Variants in FAM111A observed in about 807,000 individuals in gnomAD.
FAM111A encodes the protein serine protease FAM111A.
Under a neutral mutation model 3.3 loss-of-function variants are expected in FAM111A, and 8 were observed. The ratio of observed to expected loss-of-function variants is 2.39; its 90% CI spans 1.40 to 4.32. The LOEUF (loss-of-function observed/expected upper bound fraction) is 4.32, where lower values mean the gene tolerates loss of function less well. FAM111A is among the 30% of genes most tolerant of loss of function. The pLI is 0.00. For missense variants in FAM111A, 683 were observed against 727.6 expected (o/e 0.94, Z 0.71); for synonymous variants, 227 against 243.1 (o/e 0.93, Z 0.62).
chr11:59,145,905 T>C (rs1860802522), intron 4 of FAM111A, 49 bp downstream of exon 4: 1 of 152,086 alleles, frequency 6.6e-6, no homozygotes, highest in South Asian at 2.1e-4. Flanking sequence ...TTATTGATTA[T>C]TTACTGGGGG....
At chr11:59,149,097 C>A (rs192882280) in intron 5 of FAM111A, 144 bp downstream of exon 5, 32 of 634,146 alleles carry the variant, frequency 5.0e-5, no homozygotes, top group Admixed American at 4.3e-4. Context: ...TATAATGTAT[C>A]ATATCCTCCT....
chr11:59,146,727 G>A (rs1201575350), intron 4 of FAM111A, among the ~76,000 whole-genome samples: 1 of 152,152 alleles, frequency 6.6e-6, no homozygotes, highest in Non-Finnish European at 1.5e-5. Context: ...ACTTCCATTT[G>A]ACAAGAAATA....
intron 5 of FAM111A, among the ~76,000 whole-genome samples, chr11:59,151,474 T>C (rs975798759): frequency 6.6e-6 from 1 of 152,238 alleles, no homozygotes; most frequent in African/African-American, 2.4e-5. Flanking sequence ...TAAGAATCTC[T>C]GTTTTTGAGG....
At position 59,143,249 on chromosome 11, in the gene FAM111A, C is replaced by G. The variant is rs1860389356; in HGVS notation, c.-361C>G. The G allele has an allele frequency of 6.6e-6, 1 of 152,256 alleles. No individual in the cohort carries two copies. Among genetic ancestry groups the G allele is most frequent in the South Asian group, 2.1e-4 (1 of 4,834 alleles). 9.4% of individuals were successfully genotyped at this position (152,256 alleles called of 1,614,324 possible). ...TCCAAGGGACTGGAAGGGAAAGTCC[C>G]TAAAAATCACGAGTTCAGGCGTCTG... On this transcript the variant is annotated 5_prime_UTR_variant, in exon 2 of 6. Transcript: ENST00000675163.
chr11:59,153,554 A>G lies in FAM111A; in HGVS notation c.*50A>G, dbSNP rs780561752. ...GAATGGCTTATGGAGTTGTTATTTCATAGGCATTGAAAATGGTTTTCTAAA... is the reference window on the plus strand; with the variant it reads ...GAATGGCTTATGGAGTTGTTATTTCGTAGGCATTGAAAATGGTTTTCTAAA... On this transcript the variant is annotated 3_prime_UTR_variant, in exon 6 of 6. Transcript: ENST00000675163. 7.9e-6 allele frequency: 11 copies of G among 1,400,838 alleles called. No homozygotes were observed. Among genetic ancestry groups the G allele is most frequent in the Non-Finnish European group, 1.1e-5 (11 of 1,029,594 alleles). The allele number at this position is 1,400,838 out of a possible 1,614,324, so 86.8% of individuals were successfully genotyped here.
Position 59,151,929 on chromosome 11 carries a change from G to A in FAM111A, c.261G>A (p.Arg87=), listed in dbSNP as rs1436023524. ...TIYVTLKVNH[R]RNQDMKLKLT... is the part of the protein sequence containing the mutation. Reference sequence around the variant, plus strand: ...ATGTTACCTTGAAGGTAAACCACAGGAGAAACCAAGATATGAAACTTAAGC... The same window carrying A: ...ATGTTACCTTGAAGGTAAACCACAGAAGAAACCAAGATATGAAACTTAAGC... The change falls in exon 6 of 6, where the codon AGG becomes AGA. Residue 87 remains arginine (R), a synonymous_variant. Coordinates refer to ENST00000675163, the MANE Select transcript of FAM111A (RefSeq NM_001312909.2). The A allele has an allele frequency of 1.9e-6, 3 of 1,614,042 alleles. No homozygotes were observed. The highest frequency in any genetic ancestry group is 1.7e-6 in the Non-Finnish European group (2 of 1,180,008).
At position 59,152,817 on chromosome 11, in the gene FAM111A, T is replaced by C; in HGVS notation, c.1149T>C (p.Cys383=). 6.2e-7 allele frequency: 1 copy of C among 1,614,174 alleles called. No homozygotes were observed. The highest frequency in any genetic ancestry group is 8.5e-7 in the Non-Finnish European group (1 of 1,180,018). ...TTAAAGGATTGTTCATTTTAACTTG[T>C]CGGCATGTAATAGATAGCATTGTGG... The part of the protein sequence containing the change: ...FVFKGLFILT[C]RHVIDSIVGD... The change falls in exon 6 of 6, where the codon TGT becomes TGC. Residue 383 remains cysteine, a synonymous_variant. Transcript: ENST00000675163.
chr11:59,143,400 C>G (rs1273406490), intron 2 of FAM111A, 96 bp downstream of exon 2: 2 of 152,254 alleles, frequency 1.3e-5, no homozygotes, highest in East Asian at 3.9e-4. Context: ...ATAAAATCTG[C>G]ACTCCTGCGG....
chr11:59,149,006 G>A, intron 5 of FAM111A, 53 bp downstream of exon 5: 1 of 1,369,006 alleles, frequency 7.3e-7, no homozygotes, highest in Non-Finnish European at 1.0e-6. Flanking sequence ...GTATCCATGT[G>A]AGATTTGTTC....
intron 3 of FAM111A, chr11:59,145,522 C>T (rs1860742183): frequency 6.6e-6 from 1 of 152,198 alleles, no homozygotes; most frequent in South Asian, 2.1e-4. Context: ...ATACTGAAAA[C>T]AATGTAGGGA....
rs888976933 is a variant in FAM111A, at chr11:59,152,774, A to T, written c.1106A>T (p.Tyr369Phe). ...YLFWDSATTGYATCFVFKGLF... is the reference protein window; with the variant it reads ...YLFWDSATTGFATCFVFKGLF... ...TTCTGGGACAGTGCAACTACGGGTT[A>T]CGCCACCTGCTTTGTTTTTAAAGGA... Residue 369 changes from tyrosine to phenylalanine, a missense_variant, in exon 6 of 6, where the codon TAC becomes TTC. This residue lies in a region of FAM111A where 557 missense variants were observed against 600.2 expected (regional missense o/e 0.93). Transcript: ENST00000675163. 2 of 1,614,084 alleles carry T rather than the reference A, an allele frequency of 1.2e-6. No individual in the cohort carries two copies. The highest frequency in any genetic ancestry group is 8.5e-7 in the Non-Finnish European group (1 of 1,180,032).
At position 59,152,497 on chromosome 11, in the gene FAM111A, G is replaced by A; in HGVS notation, c.829G>A (p.Ala277Thr). The change falls in exon 6 of 6, where the codon GCA becomes ACA. Residue 277 changes from alanine (A) to threonine (T), a missense_variant. Coordinates refer to ENST00000675163, the MANE Select transcript of FAM111A (RefSeq NM_001312909.2). ...TGAGAAAAGAATGGTCCCCAGTGCAGCAGCTTCTCAGAATCCTGAGTCAGA... is the reference window on the plus strand; with the variant it reads ...TGAGAAAAGAATGGTCCCCAGTGCAACAGCTTCTCAGAATCCTGAGTCAGA... ...EVEKRMVPSAAASQNPESEKR... is the reference protein window; with the variant it reads ...EVEKRMVPSATASQNPESEKR... The A allele has an allele frequency of 6.2e-7, 1 of 1,614,116 alleles. No homozygotes were observed. Among genetic ancestry groups the A allele is most frequent in the Non-Finnish European group, 8.5e-7 (1 of 1,180,034 alleles).
chr11:59,153,044 G>A lies in FAM111A; in HGVS notation c.1376G>A (p.Gly459Glu). The change falls in exon 6 of 6, where the codon GGA becomes GAA. Residue 459 changes from glycine to glutamate, a missense_variant. Around this residue, in one of 3 missense-constraint regions of FAM111A, gnomAD observed 557 missense variants for 600.2 expected, o/e 0.93. Transcript: ENST00000675163. ...CAAGTACCTATGGAACTATATAATGGAATTACTCCTGTGCCACTTAGTGGG... is the reference window on the plus strand; with the variant it reads ...CAAGTACCTATGGAACTATATAATGAAATTACTCCTGTGCCACTTAGTGGG... The part of the protein sequence containing the change: ...GQQVPMELYN[G>E]ITPVPLSGLI... The A allele has an allele frequency of 6.2e-7, 1 of 1,614,092 alleles. No homozygotes were observed. The highest frequency in any genetic ancestry group is 8.5e-7 in the Non-Finnish European group (1 of 1,180,016).
chr11:59,148,913 A>G lies in FAM111A; in HGVS notation c.41A>G (p.Asn14Ser), dbSNP rs762118689. The G allele has an allele frequency of 3.7e-6, 6 of 1,613,824 alleles. No individual in the cohort carries two copies. The highest frequency in any genetic ancestry group is 2.2e-5 in the East Asian group (1 of 44,894). The part of the protein sequence containing the change: ...KKQRSRKHSV[N>S]EKCNMKIEHY... ...CAGAGGTCACGGAAGCACTCAGTCA[A>G]TGAAAAATGTAATATGAAAATCGAG... The change falls in exon 5 of 6, where the codon AAT becomes AGT. Residue 14 changes from asparagine to serine, a missense_variant. Transcript: ENST00000675163.
chr11:59,150,966 ATTAG>A (rs1861577631), intron 5 of FAM111A, among the ~76,000 whole-genome samples: 1 of 152,224 alleles, frequency 6.6e-6, no homozygotes, highest in South Asian at 2.1e-4. Flanking sequence ...TAACCAAATG[ATTAG>A]TTAAATAATG....
chr11:59,151,812 C>T lies in FAM111A; in HGVS notation c.144C>T (p.Asp48=), dbSNP rs201560767. ...TAATGAGGATGGAGTCTAGAGGAGA[C>T]CCAAGAGCCACAACTAATACCCAGG... ...TSLMRMESRG[D]PRATTNTQAQ... is the part of the protein sequence containing the mutation. The change falls in exon 6 of 6, where the codon GAC becomes GAT. Residue 48 remains aspartate, a synonymous_variant. Transcript: ENST00000675163. 1 of 1,613,864 alleles carries T rather than the reference C, an allele frequency of 6.2e-7. No individual in the cohort carries two copies. Among genetic ancestry groups the T allele is most frequent in the East Asian group, 2.2e-5 (1 of 44,882 alleles).
chr11:59,154,836 A>T lies in FAM111A; in HGVS notation c.*1332A>T, dbSNP rs934172998. 6.5e-6 allele frequency: 1 copy of T among 153,088 alleles called. No individual in the cohort carries two copies. The highest frequency in any genetic ancestry group is 2.4e-5 in the African/African-American group (1 of 41,448). 9.5% of individuals were successfully genotyped at this position (153,088 alleles called of 1,614,324 possible). A position where few individuals can be genotyped will look rare whatever the true frequency, so the allele number is the denominator to read the frequency against. On this transcript the variant is annotated 3_prime_UTR_variant, in exon 6 of 6. Transcript: ENST00000675163. ...TCTTTAAACAGTGCCGGTAGTACAG[A>T]TAACCCCTCATAAAGATGCTTATCT... is the stretch of plus-strand genomic sequence containing the variant.
In FAM111A at chr11:59,152,616, A is replaced by T. The variant is rs765216088; in HGVS notation, c.948A>T (p.Lys316Asn). ...ESEKIIENFK[K>N]KMKVKNGETL... is the part of the protein sequence containing the mutation. Reference sequence around the variant, plus strand: ...AAAAAATCATTGAAAACTTCAAGAAAAAAATGAAAGTAAAAAATGGGGAAA... The same window carrying T: ...AAAAAATCATTGAAAACTTCAAGAATAAAATGAAAGTAAAAAATGGGGAAA... The change falls in exon 6 of 6, where the codon AAA becomes AAT. Residue 316 changes from lysine to asparagine, a missense_variant. Around this residue, in one of 3 missense-constraint regions of FAM111A, gnomAD observed 557 missense variants for 600.2 expected, o/e 0.93. Transcript: ENST00000675163. 6.2e-7 allele frequency: 1 copy of T among 1,613,666 alleles called. No homozygotes were observed. Among genetic ancestry groups the T allele is most frequent in the East Asian group, 2.2e-5 (1 of 44,884 alleles).
chr11:59,154,856 T>G lies in FAM111A; in HGVS notation c.*1352T>G, dbSNP rs1188890202. 6.5e-6 allele frequency: 1 copy of G among 153,080 alleles called. No individual in the cohort carries two copies. The highest frequency in any genetic ancestry group is 1.5e-5 in the Non-Finnish European group (1 of 68,038). The allele number at this position is 153,080 out of a possible 1,614,324, so 9.5% of individuals were successfully genotyped here. ...TACAGATAACCCCTCATAAAGATGCTTATCTAACCTCCCCAGTGTTCAGGT... is the reference window on the plus strand; with the variant it reads ...TACAGATAACCCCTCATAAAGATGCGTATCTAACCTCCCCAGTGTTCAGGT... On this transcript the variant is annotated 3_prime_UTR_variant, in exon 6 of 6. Coordinates refer to ENST00000675163, the MANE Select transcript of FAM111A (RefSeq NM_001312909.2).
Sources: allele counts gnomAD v4.1 joint callset (sites outside exome capture counted in the v4.1 genomes callset), GRCh38; gene constraint gnomAD v4.1.1; regional missense constraint gnomAD v4.1.1; transcripts MANE v1.5; gene names NCBI Gene and HGNC (gene_info 2026-07-23, HGNC 2026-07-21).